The following SLFN12L variants were observed in gnomAD, a reference collection of about 807,000 sequenced individuals.
SLFN12L encodes the protein schlafen family member 12 like, also known as schlafen family member 12-like.
Under a neutral mutation model 34.8 loss-of-function variants are expected in SLFN12L, and 34 were observed. That is an observed-to-expected ratio of 0.98 (90% CI 0.74 to 1.30). The LOEUF (loss-of-function observed/expected upper bound fraction) is 1.30, where lower values mean the gene tolerates loss of function less well. Among genes scored for constraint, SLFN12L ranks in the 50% most tolerant of loss-of-function variants. The pLI is 0.00. For synonymous variants in SLFN12L, 259 were observed against 247.5 expected, an observed-to-expected ratio of 1.05 and a Z score of -0.44; for missense variants, 703 against 696.2, an observed-to-expected ratio of 1.01 and a Z score of -0.11.
At chr17:35,533,073 T>C (rs896724399) in intron 1 of SLFN12L, among the ~76,000 whole-genome samples, 1 of 152,240 alleles carries the variant, frequency 6.6e-6, no homozygotes, top group East Asian at 1.9e-4. Flanking sequence ...TTAATAATAT[T>C]ACATTGTTTT....
chr17:35,530,063 G>A (rs1023670651), intron 1 of SLFN12L, among the ~76,000 whole-genome samples: 4 of 148,436 alleles, frequency 2.7e-5, no homozygotes, highest in African/African-American at 9.9e-5. Flanking sequence ...CCTCATAAAC[G>A]TCATCTGTCA....
At chr17:35,485,897 C>T (rs1914562153) in intron 2 of SLFN12L, among the ~76,000 whole-genome samples, 1 of 152,164 alleles carries the variant, frequency 6.6e-6, no homozygotes, top group African/African-American at 2.4e-5. Flanking sequence ...TTACTGTAGC[C>T]TTGAAGTATA....
At chr17:35,514,803 C>T (rs1915761119) in intron 2 of SLFN12L, 4 of 399,948 alleles carry the variant, frequency 1.0e-5, no homozygotes, top group South Asian at 8.0e-5. Flanking sequence ...CCAGCACTTA[C>T]AAGTCTCTGA....
At chr17:35,479,036 G>T in intron 3 of SLFN12L, 81 bp downstream of exon 3, 1 of 1,055,546 alleles carries the variant, frequency 9.5e-7, no homozygotes, top group South Asian at 1.7e-5. Context: ...TTTTAATCTT[G>T]TCCCTAATCC....
chr17:35,530,420 AGG>A (rs1283456128), intron 1 of SLFN12L, among the ~76,000 whole-genome samples: 1 of 10,146 alleles, frequency 9.9e-5, no homozygotes, highest in South Asian at 5.3e-3. Flanking sequence ...GAAGGAAGGA[AGG>A]AAGGAAGGGA....
intron 2 of SLFN12L, among the ~76,000 whole-genome samples, chr17:35,520,770 A>G (rs533985787): frequency 4.8e-4 from 73 of 152,202 alleles, no homozygotes; most frequent in African/African-American, 1.7e-3. Context: ...TGTCTCTACT[A>G]AAAAGTGACC....
chr17:35,474,286 A>G lies in SLFN12L; in HGVS notation c.*637T>C, dbSNP rs1344113368. ...TGTCCATTGGATAAGAATGTCTGAT[A>G]TTTCCTTTATAGTCAAATGACATCT... On this transcript the variant is annotated 3_prime_UTR_variant, in exon 5 of 5. Transcript: ENST00000628453. The G allele has an allele frequency of 1.3e-5, 2 of 152,220 alleles. No individual in the cohort carries two copies. Among genetic ancestry groups the G allele is most frequent in the African/African-American group, 4.8e-5 (2 of 41,460 alleles). 9.4% of individuals were successfully genotyped at this position (152,220 alleles called of 1,614,324 possible). A position where few individuals can be genotyped will look rare whatever the true frequency, so the allele number is the denominator to read the frequency against.
At chr17:35,485,847 T>TCCACGTA (rs1914558703) in intron 2 of SLFN12L, among the ~76,000 whole-genome samples, 1 of 152,230 alleles carries the variant, frequency 6.6e-6, no homozygotes, top group East Asian at 1.9e-4. Flanking sequence ...TCTGTTCCAT[T>TCCACGTA]GGTCTACGTG....
chr17:35,498,698 C>G, intron 2 of SLFN12L: 1 of 1,569,790 alleles, frequency 6.4e-7, no homozygotes, highest in African/African-American at 1.4e-5. Flanking sequence ...TCCTAGATAA[C>G]AATTACGTGG....
Position 35,473,212 on chromosome 17 carries a change from C to T in SLFN12L, c.*1711G>A, listed in dbSNP as rs777978306. Among the ~76,000 whole-genome samples, 2 of 152,164 alleles carry T rather than the reference C, an allele frequency of 1.3e-5. No individual in the cohort carries two copies. The highest frequency in any genetic ancestry group is 6.5e-5 in the Admixed American group (1 of 15,286). ...GTTGAATAGGAGTGGTGAGAGAGGG[C>T]ATTCTTGTCTTGTGCCAATTTTCAA... On this transcript the variant is annotated 3_prime_UTR_variant, in exon 5 of 5. Transcript: ENST00000628453.
intron 1 of SLFN12L, among the ~76,000 whole-genome samples, chr17:35,528,229 T>C (rs563447233): frequency 0.01 from 1,592 of 152,304 alleles, 35 homozygotes; most frequent in African/African-American, 0.036. Context: ...AAACATTCCA[T>C]GCTCATGGAT....
chr17:35,472,437 G>A lies in SLFN12L; in HGVS notation c.*2486C>T, dbSNP rs1913822283. ...TTGTCAAGTTTGTAGAAGATCAGAT[G>A]GTTATAGATGTGTGGTGTTATTTCT... is the stretch of plus-strand genomic sequence containing the variant. On this transcript the variant is annotated 3_prime_UTR_variant, in exon 5 of 5. Transcript: ENST00000628453. Among the ~76,000 whole-genome samples the A allele has an allele frequency of 6.6e-6, 1 of 152,166 alleles. No homozygotes were observed. Among genetic ancestry groups the A allele is most frequent in the Non-Finnish European group, 1.5e-5 (1 of 68,024 alleles).
intron 2 of SLFN12L, among the ~76,000 whole-genome samples, chr17:35,516,157 C>T (rs1017910432): frequency 2.0e-5 from 3 of 152,134 alleles, no homozygotes; most frequent in African/African-American, 7.2e-5. Flanking sequence ...TCTGAGGAAA[C>T]TATTTCCCTT....
intron 2 of SLFN12L, chr17:35,498,890 C>T: frequency 2.9e-6 from 2 of 691,690 alleles, no homozygotes; most frequent in Non-Finnish European, 2.6e-6. Context: ...ACTTGGAGGC[C>T]CCTGATATGC....
intron 2 of SLFN12L, chr17:35,490,918 C>G (rs1306351222): frequency 1.2e-6 from 1 of 800,712 alleles, no homozygotes; most frequent in Non-Finnish European, 2.3e-6. Flanking sequence ...ACAACCAAGA[C>G]CCCAATGGGA....
At chr17:35,487,735 T>C in intron 2 of SLFN12L, 1 of 1,535,992 alleles carries the variant, frequency 6.5e-7, no homozygotes, top group Non-Finnish European at 8.7e-7. Flanking sequence ...CCTGGCGAGG[T>C]CCATGTCTGC....
rs780041140 is a variant in SLFN12L, at chr17:35,480,090, A to C, written c.192T>G (p.Thr64=). Residue 64 remains threonine, a synonymous_variant, in exon 3 of 5, where the codon ACT becomes ACG. Coordinates refer to ENST00000628453, the MANE Select transcript of SLFN12L (RefSeq NM_001363830.2). ...AELVLNVGRV[T]LGENNRKKMK... ...TTTTTTTTCTATTGTTCTCTCCAAG[A>C]GTGACTCTTCCCACATTTAGAACCA... The C allele has an allele frequency of 1.2e-6, 2 of 1,614,102 alleles. No individual in the cohort carries two copies. Among genetic ancestry groups the C allele is most frequent in the Non-Finnish European group, 1.7e-6 (2 of 1,180,008 alleles).
At chr17:35,504,251 C>A (rs1567672910) in intron 2 of SLFN12L, among the ~76,000 whole-genome samples, 3 of 152,136 alleles carry the variant, frequency 2.0e-5, no homozygotes. Context: ...TGATTAAAAA[C>A]CCCAGTGTCA....
chr17:35,530,416 AGGAAGGAAGGAAGGGAAGGGAAGGG>A (rs1378707508), intron 1 of SLFN12L, among the ~76,000 whole-genome samples: 4 of 12,108 alleles, frequency 3.3e-4, no homozygotes, highest in African/African-American at 8.8e-4. Flanking sequence ...GAAGGAAGGA[AGGAAGGAAGGAAGGGAAGGGAAGGG>A]AAGAAAGAAA....
Sources: allele counts gnomAD v4.1 joint callset (sites outside exome capture counted in the v4.1 genomes callset), GRCh38; gene constraint gnomAD v4.1.1; transcripts MANE v1.5; gene names NCBI Gene and HGNC (gene_info 2026-07-23, HGNC 2026-07-21).